The following ZNF782 variants were observed in gnomAD, a reference collection of about 807,000 sequenced individuals.
The protein encoded by ZNF782 is zinc finger protein 782.
A neutral mutation model predicts 13.0 loss-of-function variants in ZNF782; 12 were observed. That is an observed-to-expected ratio of 0.92 (90% CI 0.59 to 1.50). ZNF782 has a LOEUF of 1.50. ZNF782 is among the 40% of genes most tolerant of loss of function. The pLI, the probability that ZNF782 is intolerant of heterozygous loss-of-function variation, is 0.00. For missense variants in ZNF782, 770 were observed against 822.9 expected (o/e 0.94, Z 0.79); for synonymous variants, 284 against 283.0 (o/e 1.00, Z -0.04).
intron 5 of ZNF782, among the ~76,000 whole-genome samples, chr9:96,825,319 T>G (rs1407566127): frequency 6.7e-6 from 1 of 148,470 alleles, no homozygotes; most frequent in Non-Finnish European, 1.5e-5. Flanking sequence ...GATTCCCTAT[T>G]TAATAAATGG....
intron 1 of ZNF782, among the ~76,000 whole-genome samples, chr9:96,874,098 C>T (rs1482993397): frequency 6.6e-6 from 1 of 152,120 alleles, no homozygotes; most frequent in Non-Finnish European, 1.5e-5. Flanking sequence ...CTCTTCATTA[C>T]AAGGAAAAGA....
At chr9:96,910,737 T>A in the ZNF782 span, among the ~76,000 whole-genome samples, 1 of 148,970 alleles carries the variant, frequency 6.7e-6, no homozygotes. Context: ...CCCGGGTTCA[T>A]GCCATTCTCC....
At chr9:96,827,203 G>C in intron 4 of ZNF782, 22 bp from the exon 5 acceptor site, 2 of 1,539,004 alleles carry the variant, frequency 1.3e-6, no homozygotes. Context: ...AAACAATTTA[G>C]CATTTGCATT....
chr9:96,846,903 C>G (rs1291520006), intron 3 of ZNF782, among the ~76,000 whole-genome samples: 1 of 152,156 alleles, frequency 6.6e-6, no homozygotes, highest in Non-Finnish European at 1.5e-5. Context: ...CTCATCAGCA[C>G]ACGGGACATT....
chr9:96,915,892 GTATCA>G, the ZNF782 span, among the ~76,000 whole-genome samples: 12,382 of 142,054 alleles, frequency 0.087, 1 homozygote, highest in East Asian at 0.29. Flanking sequence ...ATACAAATAT[GTATCA>G]TATATTATTT....
chr9:96,901,733 C>T, the ZNF782 span, among the ~76,000 whole-genome samples: 6 of 151,132 alleles, frequency 4.0e-5, no homozygotes, highest in East Asian at 7.9e-4. Context: ...ATTAGCTGGG[C>T]GTGGGGCATG....
chr9:96,895,055 A>G, the ZNF782 span: 10 of 152,320 alleles, frequency 6.6e-5, no homozygotes, highest in African/African-American at 2.2e-4. Context: ...ACTATGAGAA[A>G]TAAATTTGTG....
rs781768438 is a variant in ZNF782, at chr9:96,819,658, TG to T, written c.364del (p.His122IlefsTer5). 2.0e-4 allele frequency: 323 copies of T among 1,613,992 alleles called. No homozygotes were observed. The highest frequency in any genetic ancestry group is 2.7e-4 in the Non-Finnish European group (313 of 1,180,026). On this transcript the variant is annotated frameshift_variant, in exon 6 of 6. Transcript: ENST00000481138. LOFTEE classifies it low-confidence loss of function (END_TRUNC). ...ACGAAAAATGTTTATGTCTCGATTATGTGGTTTTCCTGAAATTTCTTGCTCT... is the reference window on the plus strand; with the variant it reads ...ACGAAAAATGTTTATGTCTCGATTATTGGTTTTCCTGAAATTTCTTGCTCT... ...TTEQEISGKPHNRDINIFRAR... is the reference protein window; with the variant it reads ...TTEQEISGKPXNRDINIFRAR...
At chr9:96,885,637 C>G in the ZNF782 span, among the ~76,000 whole-genome samples, 1 of 152,044 alleles carries the variant, frequency 6.6e-6, no homozygotes, top group East Asian at 1.9e-4. Flanking sequence ...ATTGAAGAAT[C>G]TGAGTGATTC....
chr9:96,905,643 T>G, the ZNF782 span, among the ~76,000 whole-genome samples: 9 of 151,878 alleles, frequency 5.9e-5, no homozygotes, highest in African/African-American at 1.9e-4. Context: ...TGGAGTACAG[T>G]GGCGCGATCT....
chr9:96,877,608 G>C (rs1337599197), upstream of ZNF782, among the ~76,000 whole-genome samples: 1 of 152,220 alleles, frequency 6.6e-6, no homozygotes, highest in Non-Finnish European at 1.5e-5. Flanking sequence ...CGCTCCGCGA[G>C]ATCTGGGGGC....
chr9:96,819,243 A>G lies in ZNF782; in HGVS notation c.780T>C (p.Ile260=). The stretch of plus-strand genomic sequence containing the variant: ...TCTTCTCTGGATTCATGTTCTGAGG[A>G]ATAATAAAGGTTGATTTATCATATT... The part of the protein sequence containing the change: ...ENKYDKSTFI[I]PQNMNPEKSH... Residue 260 remains isoleucine (I), a synonymous_variant, in exon 6 of 6, where the codon ATT becomes ATC. Coordinates refer to ENST00000481138, the MANE Select transcript of ZNF782 (RefSeq NM_001001662.3). 5 of 1,611,024 alleles carry G rather than the reference A, an allele frequency of 3.1e-6. No homozygotes were observed. Among genetic ancestry groups the G allele is most frequent in the Non-Finnish European group, 4.2e-6 (5 of 1,179,246 alleles).
chr9:96,903,737 T>C, the ZNF782 span, among the ~76,000 whole-genome samples: 1 of 151,394 alleles, frequency 6.6e-6, no homozygotes, highest in Non-Finnish European at 1.5e-5. Context: ...TAATTTTTTG[T>C]ATTTTTAGTA....
the ZNF782 span, among the ~76,000 whole-genome samples, chr9:96,917,887 C>CGTGTGTGTGTGTGT: frequency 1.1e-3 from 128 of 121,718 alleles, 4 homozygotes; most frequent in African/African-American, 4.3e-3. Flanking sequence ...CCACCCTTGG[C>CGTGTGTGTGTGTGT]GTGTGTGTGT....
chr9:96,910,613 A>G, the ZNF782 span, among the ~76,000 whole-genome samples: 2 of 147,048 alleles, frequency 1.4e-5, no homozygotes, highest in East Asian at 4.0e-4. Context: ...AAAAACAACC[A>G]AAACTTCCAA....
chr9:96,855,254 A>G (rs1262430785), upstream of ZNF782, among the ~76,000 whole-genome samples: 1 of 151,956 alleles, frequency 6.6e-6, no homozygotes. Flanking sequence ...CTTTTTGCTG[A>G]TTGTTTTTTA....
Position 96,827,154 on chromosome 9 carries a change from A to G in ZNF782, c.170T>C (p.Ile57Thr). 6.2e-7 allele frequency: 1 copy of G among 1,612,076 alleles called. No homozygotes were observed. ...ATCTTCTCCTTGTTCCAATGTGAAG[A>G]TCAGTTCTGGTTTTGTAAAGCAGTA... ...VGYCFTKPEL[I>T]FTLEQGEDPW... The change falls in exon 5 of 6, where the codon ATC (isoleucine) becomes ACC (threonine). Residue 57 changes from isoleucine (I) to threonine (T), a missense_variant. Physicochemically the swap from Ile to Thr is moderately conservative, Grantham distance 89 (BLOSUM62 -1). Transcript: ENST00000481138.
chr9:96,871,756 C>G (rs1410364543), intron 1 of ZNF782, among the ~76,000 whole-genome samples: 1 of 152,120 alleles, frequency 6.6e-6, no homozygotes, highest in African/African-American at 2.4e-5. Context: ...ATATAACAAA[C>G]CTTTCAGTGA....
At chr9:96,911,244 C>T in the ZNF782 span, among the ~76,000 whole-genome samples, 1 of 143,166 alleles carries the variant, frequency 7.0e-6, no homozygotes, top group Non-Finnish European at 1.5e-5. Flanking sequence ...TGGAGACCAT[C>T]CTGGCTAACA....
Sources: gnomAD v4.1 joint callset for allele counts (sites outside exome capture counted in the v4.1 genomes callset) on GRCh38, gnomAD v4.1.1 for gene constraint, MANE v1.5 for transcripts, NCBI Gene and HGNC (gene_info 2026-07-23, HGNC 2026-07-21) for gene names.